PITRM1: variants seen among roughly 807,000 people sequenced by gnomAD.
The protein encoded by PITRM1 is pitrilysin metallopeptidase 1, also known as presequence protease, mitochondrial.
Under a neutral mutation model 129.9 loss-of-function variants are expected in PITRM1, and 100 were observed. The ratio of observed to expected loss-of-function variants is 0.77; its 90% CI spans 0.65 to 0.91. PITRM1 has a LOEUF of 0.91. Ranked by LOEUF, PITRM1 falls within the 40% of genes least tolerant of loss-of-function variation. The pLI is 0.00. For missense variants in PITRM1, 1,471 were observed against 1,318.3 expected (o/e 1.12, Z -1.79); for synonymous variants, 591 against 508.8 (o/e 1.16, Z -2.17).
chr10:3,160,557 ATTAG>A (rs767424096), intron 7 of PITRM1, among the ~76,000 whole-genome samples: 6 of 152,182 alleles, frequency 3.9e-5, no homozygotes, highest in South Asian at 4.1e-4. Context: ...CTATTTTATT[ATTAG>A]TTATTGTTGT....
rs761825563 is a variant in PITRM1 at position 3,138,368 on chromosome 10, C to T, written c.2918-31G>A. 47 of 1,508,374 alleles carry T rather than the reference C, an allele frequency of 3.1e-5. No individual in the cohort carries two copies. The Admixed American group carries it at 4.5e-4, about 14-fold the overall frequency. 93.4% of individuals were successfully genotyped at this position (1,508,374 alleles called of 1,614,324 possible). Reference sequence around the variant, plus strand: ...AGACAATCCACAGGCACGATGGAGCCGCTGCCCGGGAGCTCGCGTTGTGGG... The same window carrying T: ...AGACAATCCACAGGCACGATGGAGCTGCTGCCCGGGAGCTCGCGTTGTGGG... On this transcript the variant is annotated intron_variant, in intron 25 of 26. Transcript: ENST00000224949.
chr10:3,164,146 C>T (rs908203393), intron 6 of PITRM1: 37 of 215,002 alleles, frequency 1.7e-4, no homozygotes, highest in African/African-American at 7.4e-4. Context: ...GTGCAACAAA[C>T]GCATAGCTGA....
chr10:3,159,696 C>T (rs1304536188), intron 9 of PITRM1, among the ~76,000 whole-genome samples, 152 bp downstream of exon 9: 1 of 152,228 alleles, frequency 6.6e-6, no homozygotes, highest in Non-Finnish European at 1.5e-5. Context: ...AAAACTTCGA[C>T]ATTTTGTTCT....
chr10:3,155,555 G>C (rs754060573), intron 14 of PITRM1, 36 bp downstream of exon 14: 5 of 1,612,646 alleles, frequency 3.1e-6, no homozygotes, highest in South Asian at 1.1e-5. Flanking sequence ...CCGAGTGCAG[G>C]TTAGGGACTC....
intron 15 of PITRM1, among the ~76,000 whole-genome samples, chr10:3,150,135 G>A (rs1490953254): frequency 6.6e-6 from 1 of 151,736 alleles, no homozygotes; most frequent in Non-Finnish European, 1.5e-5. Context: ...GCCACCCTCT[G>A]GCCCCACAAC....
chr10:3,168,348 T>C (rs1808234051), intron 2 of PITRM1, among the ~76,000 whole-genome samples: 1 of 152,224 alleles, frequency 6.6e-6, no homozygotes, highest in African/African-American at 2.4e-5. Flanking sequence ...TGCTTTCTAA[T>C]AATATATAGC....
chr10:3,152,890 T>C (rs568674708), intron 14 of PITRM1, among the ~76,000 whole-genome samples: 1 of 152,364 alleles, frequency 6.6e-6, no homozygotes, highest in East Asian at 1.9e-4. Flanking sequence ...CCTCTGGCAC[T>C]TTCTCTTCTC....
rs1166388578 is a variant in PITRM1, at chr10:3,159,910, C to T, written c.945G>A (p.Pro315=). 12 of 1,602,994 alleles carry T rather than the reference C, an allele frequency of 7.5e-6. No homozygotes were observed. The highest frequency in any genetic ancestry group is 2.2e-5 in the East Asian group (1 of 44,686). The stretch of plus-strand genomic sequence containing the variant: ...TAGAGGGATCTGTAGCAAATGAATC[C>T]GGGCCACATGTTATCTGGAATTCCC... ...KPREFQITCG[P]DSFATDPSKQ... Residue 315 remains proline, a synonymous_variant, in exon 9 of 27, where the codon CCG becomes CCA. Transcript: ENST00000224949.
chr10:3,147,153 A>C lies in PITRM1; in HGVS notation c.2333T>G (p.Met778Arg). Residue 778 changes from methionine (M) to arginine (R), a missense_variant, in exon 20 of 27, where the codon ATG (methionine) becomes AGG (arginine). Transcript: ENST00000224949. ...TAGAAACAAATCACACATGCACCTC[A>C]TATTATCACCATTTAACAAGTGTTT... Reference protein sequence around the residue: ...IKKHLLNGDNMRCSVNATPQQ... With the variant: ...IKKHLLNGDNRRCSVNATPQQ... 2 of 1,482,428 alleles carry C rather than the reference A, an allele frequency of 1.3e-6. No individual in the cohort carries two copies. The highest frequency in any genetic ancestry group is 1.9e-6 in the Non-Finnish European group (2 of 1,060,674). The allele number at this position is 1,482,428 out of a possible 1,614,324, so 91.8% of individuals were successfully genotyped here.
Position 3,147,649 on chromosome 10 carries a change from G to A in PITRM1, c.2158C>T (p.Leu720=), listed in dbSNP as rs775005584. Residue 720 remains leucine (L), a synonymous_variant, in exon 19 of 27, where the codon CTG becomes TTG. Transcript: ENST00000224949. ...CGGCCTGCCCTGATGGATGCGTACA[G>A]GTGCCCAGAGTCAGGAATTCCATTG... ...LANGIPDSGH[L]YASIRAGRTL... is the part of the protein sequence containing the mutation. 5.6e-6 allele frequency: 9 copies of A among 1,613,826 alleles called. No individual in the cohort carries two copies. The highest frequency in any genetic ancestry group is 4.0e-5 in the African/African-American group (3 of 74,934).
intron 24 of PITRM1, among the ~76,000 whole-genome samples, chr10:3,139,253 T>C (rs887308640): frequency 6.6e-6 from 1 of 152,176 alleles, no homozygotes; most frequent in Non-Finnish European, 1.5e-5. Flanking sequence ...TTCAACATGT[T>C]CTCCCTCTTA....
At position 3,138,272 on chromosome 10, in the gene PITRM1, CAA is replaced by C; in HGVS notation, c.2981_2982del (p.Phe994CysfsTer13). On this transcript the variant is annotated frameshift_variant, in exon 26 of 27. Coordinates refer to ENST00000224949, the MANE Select transcript of PITRM1 (RefSeq NM_014889.4). LOFTEE classifies it low-confidence loss of function (END_TRUNC). ...EMKQAHREQLFAVSHDKLLAV... is the reference protein window; with the variant it reads ...EMKQAHREQLXAVSHDKLLAV... ...GCCAGGAGCTTGTCGTGGCTGACAG[CAA>C]AGAGCTGCTCTCTGTGGGCCTGCTT... is the stretch of plus-strand genomic sequence containing the variant. 1.2e-6 allele frequency: 2 copies of C among 1,613,892 alleles called. No homozygotes were observed. Among genetic ancestry groups the C allele is most frequent in the Non-Finnish European group, 1.7e-6 (2 of 1,179,812 alleles).
chr10:3,159,065 G>C (rs777457741), intron 9 of PITRM1, 23 bp from the exon 10 acceptor site: 1 of 1,591,258 alleles, frequency 6.3e-7, no homozygotes, highest in East Asian at 2.3e-5. Flanking sequence ...AAAAAGGAAC[G>C]GGGAGGTAAG....
chr10:3,156,954 T>G lies in PITRM1; in HGVS notation c.1458A>C (p.Gln486His). Reference sequence around the variant, plus strand: ...CCTTAAAATACTGTTTTACTTTTTCTTGCAAAAATTTTGGATTTTCCTGCA... The same window carrying G: ...CCTTAAAATACTGTTTTACTTTTTCGTGCAAAAATTTTGGATTTTCCTGCA... ...QCLQENPKFL[Q>H]EKVKQYFKNN... Residue 486 changes from glutamine to histidine, a missense_variant, in exon 13 of 27, where the codon CAA (glutamine) becomes CAC (histidine). By Grantham distance (24) the Gln-to-His change is conservative. Coordinates refer to ENST00000224949, the MANE Select transcript of PITRM1 (RefSeq NM_014889.4). 1 of 1,585,444 alleles carries G rather than the reference T, an allele frequency of 6.3e-7. No homozygotes were observed.
At position 3,163,714 on chromosome 10, in the gene PITRM1, C is replaced by G; in HGVS notation, c.791+11G>C. On this transcript the variant is annotated intron_variant, in intron 7 of 26. Coordinates refer to ENST00000224949, the MANE Select transcript of PITRM1 (RefSeq NM_014889.4). ...ACAATCCACCATCAAACTTTTCCAA[C>G]AAAATATTACCTAGCATTGCTTGGG... The G allele has an allele frequency of 2.5e-6, 4 of 1,580,770 alleles. No homozygotes were observed. The highest frequency in any genetic ancestry group is 2.6e-6 in the Non-Finnish European group (3 of 1,163,448).
intron 7 of PITRM1, among the ~76,000 whole-genome samples, chr10:3,161,893 T>C (rs1284430075): frequency 1.3e-5 from 2 of 150,356 alleles, no homozygotes; most frequent in Admixed American, 6.6e-5. Context: ...CTCTTCTCCA[T>C]GTTGGGCGCA....
chr10:3,172,240 T>C (rs1327481525), intron 1 of PITRM1: 23 of 458,310 alleles, frequency 5.0e-5, no homozygotes, highest in Non-Finnish European at 3.1e-5. Context: ...CGTCATTTTT[T>C]TCCCCATAAA....
intron 9 of PITRM1, among the ~76,000 whole-genome samples, chr10:3,159,524 TCA>T (rs1270531497): frequency 6.6e-6 from 1 of 152,246 alleles, no homozygotes. Flanking sequence ...AGTACCATTC[TCA>T]CACTCAAAGG....
At position 3,137,786 on chromosome 10, in the gene PITRM1, G is replaced by A. The variant is rs1035149548; in HGVS notation, c.*245C>T. 2.7e-5 allele frequency: 14 copies of A among 511,824 alleles called. No homozygotes were observed. The highest frequency in any genetic ancestry group is 1.3e-4 in the Admixed American group (4 of 30,248). The allele number at this position is 511,824 out of a possible 1,614,324, so 31.7% of individuals were successfully genotyped here. A position where few individuals can be genotyped will look rare whatever the true frequency, so the allele number is the denominator to read the frequency against. The stretch of plus-strand genomic sequence containing the variant: ...TAAATATTCTAGAATGAGGTAAAAC[G>A]AGCCTGCCAGTACAAAGTGAAAATT... On this transcript the variant is annotated 3_prime_UTR_variant, in exon 27 of 27. Transcript: ENST00000224949.
Sources: allele counts gnomAD v4.1 joint callset (sites outside exome capture counted in the v4.1 genomes callset), GRCh38; gene constraint gnomAD v4.1.1; transcripts MANE v1.5; gene names NCBI Gene and HGNC (gene_info 2026-07-23, HGNC 2026-07-21).